The following COL27A1 variants were observed in gnomAD, a reference collection of about 807,000 sequenced individuals.
The protein encoded by COL27A1 is collagen alpha-1(XXVII) chain.
In COL27A1, 106 loss-of-function variants were observed where a neutral mutation model predicts 251.3. The ratio of observed to expected loss-of-function variants is 0.42; its 90% CI spans 0.36 to 0.50. The LOEUF is 0.50. Among genes scored for constraint, COL27A1 ranks in the 20% least tolerant of loss-of-function variants. The pLI is 0.00. For missense variants in COL27A1, 2,325 were observed against 2,522.8 expected (o/e 0.92, Z 1.68); for synonymous variants, 1,000 against 986.3 (o/e 1.01, Z -0.26).
At chr9:114,238,757 G>A (rs1212788760) in intron 19 of COL27A1, among the ~76,000 whole-genome samples, 2 of 152,084 alleles carry the variant, frequency 1.3e-5, no homozygotes, top group Non-Finnish European at 1.5e-5. Context: ...ATTCTGGCCC[G>A]TGAGGGTGGA....
chr9:114,276,330 G>C (rs940209533), intron 37 of COL27A1, among the ~76,000 whole-genome samples: 2 of 152,208 alleles, frequency 1.3e-5, no homozygotes, highest in East Asian at 3.9e-4. Flanking sequence ...CCTTGGCCAG[G>C]TGCGGTGGCT....
intron 58 of COL27A1, 74 bp from the exon 59 acceptor site, chr9:114,307,595 G>A (rs772088691): frequency 9.8e-7 from 1 of 1,025,376 alleles, no homozygotes; most frequent in Non-Finnish European, 1.5e-6. Flanking sequence ...CAAGATGCAG[G>A]GTCCATCTAC....
At position 114,301,095 on chromosome 9, in the gene COL27A1, C is replaced by A; in HGVS notation, c.4725C>A (p.Pro1575=). 6.2e-7 allele frequency: 1 copy of A among 1,613,118 alleles called. No homozygotes were observed. Among genetic ancestry groups the A allele is most frequent in the South Asian group, 1.1e-5 (1 of 90,858 alleles). ...AGGGAAAGGAAGGCATCGTCGGGCC[C>A]CTCGGAATCCTGGGACCTTCGGGAC... ...GLMGKEGIVG[P]LGILGPSGLP... is the part of the protein sequence containing the mutation. Residue 1575 remains proline, a synonymous_variant, in exon 52 of 61, where the codon CCC becomes CCA. Transcript: ENST00000356083.
rs2131618039 is a variant in COL27A1 at position 114,288,883 on chromosome 9, C to A, written c.4099-31C>A. On this transcript the variant is annotated intron_variant, in intron 43 of 60. Transcript: ENST00000356083. The stretch of plus-strand genomic sequence containing the variant: ...GCCTCCCAGCCCTCTGCAGGATGGG[C>A]CCCCCTCACCTGTCTCTCTTTGGCT... 3 of 1,612,816 alleles carry A rather than the reference C, an allele frequency of 1.9e-6. No individual in the cohort carries two copies. In the South Asian group the frequency reaches 3.3e-5, roughly 18 times the overall value.
chr9:114,239,933 C>T (rs767944599), intron 19 of COL27A1, among the ~76,000 whole-genome samples: 1 of 152,152 alleles, frequency 6.6e-6, no homozygotes, highest in Non-Finnish European at 1.5e-5. Flanking sequence ...GTAGCAGCAC[C>T]GGATTTGAGA....
At chr9:114,267,460 G>A (rs571096437) in intron 33 of COL27A1, 44 bp from the exon 34 acceptor site, 3 of 1,572,424 alleles carry the variant, frequency 1.9e-6, no homozygotes, top group Non-Finnish European at 2.6e-6. Flanking sequence ...TACAACCAGG[G>A]GGCAGCTCTT....
chr9:114,299,329 T>C (rs1828458295), intron 49 of COL27A1, among the ~76,000 whole-genome samples: 1 of 152,250 alleles, frequency 6.6e-6, no homozygotes, highest in Non-Finnish European at 1.5e-5. Flanking sequence ...CTTATGAGCT[T>C]GAAGGCCAAG....
chr9:114,162,452 G>A (rs111497679), intron 1 of COL27A1, among the ~76,000 whole-genome samples: 27 of 152,286 alleles, frequency 1.8e-4, no homozygotes, highest in Non-Finnish European at 2.8e-4. Flanking sequence ...CTTCTTCCCC[G>A]TTGACGTTGG....
chr9:114,274,492 T>C lies in COL27A1; in HGVS notation c.3610-1169T>C, dbSNP rs190219980. On this transcript the variant is annotated intron_variant, in intron 36 of 60. Transcript: ENST00000356083. ...GCGGACCAGCCTTAGAAAGCTTTTG[T>C]GGGGATTAAGTCAGTTAATAGATGT... Among the ~76,000 whole-genome samples, 16 of 152,308 alleles carry C rather than the reference T, an allele frequency of 1.1e-4. No individual in the cohort carries two copies. In the East Asian group the frequency reaches 3.1e-3, roughly 29 times the overall value.
chr9:114,307,575 C>G (rs756504247), intron 58 of COL27A1, 94 bp from the exon 59 acceptor site: 3 of 855,018 alleles, frequency 3.5e-6, no homozygotes, highest in African/African-American at 3.3e-5. Flanking sequence ...ACCTGGGGCT[C>G]GGCAGGTCAC....
At chr9:114,208,018 G>A (rs1009776916) in intron 10 of COL27A1, among the ~76,000 whole-genome samples, 8 of 152,184 alleles carry the variant, frequency 5.3e-5, no homozygotes, top group Non-Finnish European at 8.8e-5. Flanking sequence ...TAGGAGCCCA[G>A]GCCCAGGAGT....
rs570229672 is a variant in COL27A1, at chr9:114,292,581, A to G, written c.4584+371A>G. 2.6e-5 allele frequency among the ~76,000 whole-genome samples: 4 copies of G among 152,358 alleles called. No homozygotes were observed. In the South Asian group the frequency reaches 6.2e-4, roughly 24 times the overall value. Reference sequence around the variant, plus strand: ...CCCTTGCCTGGAAAAAGAAGGAAGAATGAACAGAGAATAAACAGGGCAAAT... The same window carrying G: ...CCCTTGCCTGGAAAAAGAAGGAAGAGTGAACAGAGAATAAACAGGGCAAAT... On this transcript the variant is annotated intron_variant, in intron 49 of 60. Transcript: ENST00000356083.
intron 13 of COL27A1, among the ~76,000 whole-genome samples, chr9:114,221,358 G>A (rs1831097122): frequency 6.6e-6 from 1 of 152,160 alleles, no homozygotes; most frequent in Non-Finnish European, 1.5e-5. Flanking sequence ...TTAACTATTA[G>A]CGATATGCAG....
In COL27A1 at chr9:114,168,254, G is replaced by T. The variant is rs912387390; in HGVS notation, c.699G>T (p.Arg233Ser). The T allele has an allele frequency of 1.2e-6, 2 of 1,613,956 alleles. No individual in the cohort carries two copies. The highest frequency in any genetic ancestry group is 1.1e-5 in the South Asian group (1 of 91,090). The stretch of plus-strand genomic sequence containing the variant: ...CTCACAATTACTGTACCCACCTGAG[G>T]AAGCAGTGTGGACAGGCTGACACGT... ...QVAHNYCTHL[R>S]KQCGQADTYQ... Residue 233 changes from arginine to serine, a missense_variant, in exon 3 of 61, where the codon AGG becomes AGT. Arg to Ser is a moderately radical substitution (Grantham distance 110, BLOSUM62 -1). Coordinates refer to ENST00000356083, the MANE Select transcript of COL27A1 (RefSeq NM_032888.4).
At chr9:114,165,558 C>T (rs904247470) in intron 2 of COL27A1, among the ~76,000 whole-genome samples, 13 of 151,020 alleles carry the variant, frequency 8.6e-5, no homozygotes, top group African/African-American at 2.9e-4. Context: ...TCCATGCATC[C>T]ATCTATTCAT....
intron 42 of COL27A1, 79 bp downstream of exon 42, chr9:114,288,590 C>T (rs529629690): frequency 1.6e-5 from 25 of 1,541,416 alleles, no homozygotes; most frequent in South Asian, 1.4e-4. Flanking sequence ...AGGGGTGGGC[C>T]GATCAGGGGC....
chr9:114,167,972 C>T lies in COL27A1; in HGVS notation c.417C>T (p.Leu139=), dbSNP rs369477310. 3.7e-5 allele frequency: 59 copies of T among 1,605,938 alleles called. No individual in the cohort carries two copies. The highest frequency in any genetic ancestry group is 5.0e-5 in the Admixed American group (3 of 60,004). Residue 139 remains leucine (L), a synonymous_variant, in exon 3 of 61, where the codon CTC becomes CTT. Transcript: ENST00000356083. The part of the protein sequence containing the change: ...QFLPGKTVVH[L]GSRRSVAFDL... ...TCCCCGGCAAGACGGTCGTCCACCTCGGGTCCCGGCGCTCAGTGGCCTTCG... is the reference window on the plus strand; with the variant it reads ...TCCCCGGCAAGACGGTCGTCCACCTTGGGTCCCGGCGCTCAGTGGCCTTCG...
intron 4 of COL27A1, among the ~76,000 whole-genome samples, chr9:114,180,046 G>A (rs534098507): frequency 2.0e-5 from 3 of 151,896 alleles, no homozygotes; most frequent in Admixed American, 6.6e-5. Flanking sequence ...CACCATGTTA[G>A]CCAGGCTGGT....
intron 5 of COL27A1, among the ~76,000 whole-genome samples, chr9:114,192,141 G>A (rs1235322872): frequency 3.3e-5 from 5 of 152,180 alleles, no homozygotes; most frequent in African/African-American, 1.2e-4. Flanking sequence ...AATGCCCTGG[G>A]TAAGGACCTT....
Sources: gnomAD v4.1 joint callset for allele counts (sites outside exome capture counted in the v4.1 genomes callset) on GRCh38, gnomAD v4.1.1 for gene constraint, MANE v1.5 for transcripts, NCBI Gene and HGNC (gene_info 2026-07-23, HGNC 2026-07-21) for gene names.